SPATS2L: variants seen among roughly 807,000 people sequenced by gnomAD.
SPATS2L encodes the protein SPATS2-like protein.
In SPATS2L, 30 loss-of-function variants were observed where a neutral mutation model predicts 59.6. The ratio of observed to expected loss-of-function variants is 0.50; its 90% CI spans 0.38 to 0.68. SPATS2L has a LOEUF of 0.68. Ranked by LOEUF, SPATS2L falls within the 30% of genes least tolerant of loss-of-function variation. The pLI, the probability that SPATS2L is intolerant of heterozygous loss-of-function variation, is 0.00. For missense variants in SPATS2L, 615 were observed against 700.0 expected (o/e 0.88, Z 1.37); for synonymous variants, 252 against 263.5 (o/e 0.96, Z 0.42).
intron 2 of SPATS2L, among the ~76,000 whole-genome samples, chr2:200,375,523 T>C (rs1412577392): frequency 6.6e-6 from 1 of 152,174 alleles, no homozygotes; most frequent in Non-Finnish European, 1.5e-5. Context: ...TTGACTCTGA[T>C]AATGGCTAAA....
chr2:200,306,369 G>A (rs1217782350), upstream of SPATS2L: 4 of 1,002,264 alleles, frequency 4.0e-6, no homozygotes, highest in East Asian at 4.6e-4. Flanking sequence ...TTTCGGTGAA[G>A]TGGAGGTTTG....
At chr2:200,408,021 T>C (rs2082747260) in intron 3 of SPATS2L, among the ~76,000 whole-genome samples, 1 of 152,122 alleles carries the variant, frequency 6.6e-6, no homozygotes. Flanking sequence ...TTGCCTACCA[T>C]CTGGGAGACA....
At chr2:200,424,131 A>T (rs1160671643) in intron 6 of SPATS2L, among the ~76,000 whole-genome samples, 1 of 152,172 alleles carries the variant, frequency 6.6e-6, no homozygotes, top group East Asian at 1.9e-4. Flanking sequence ...TGGATCTTTT[A>T]CATAATCCAA....
At chr2:200,427,488 TA>T (rs1365930805) in intron 6 of SPATS2L, among the ~76,000 whole-genome samples, 2 of 148,766 alleles carry the variant, frequency 1.3e-5, no homozygotes, top group Non-Finnish European at 3.0e-5. Flanking sequence ...TATACATATA[TA>T]AAATATACAT....
chr2:200,443,241 A>C (rs573026430), intron 8 of SPATS2L, among the ~76,000 whole-genome samples: 1 of 152,364 alleles, frequency 6.6e-6, no homozygotes, highest in South Asian at 2.1e-4. Context: ...TAAGAGGAAG[A>C]AAATGAATTT....
chr2:200,349,041 C>T (rs922448321), intron 2 of SPATS2L, among the ~76,000 whole-genome samples: 3 of 152,236 alleles, frequency 2.0e-5, no homozygotes, highest in East Asian at 1.9e-4. Context: ...CCTGTACTTT[C>T]GGTGCAAATT....
intron 11 of SPATS2L, among the ~76,000 whole-genome samples, chr2:200,470,300 T>C (rs544700631): frequency 1.1e-4 from 16 of 152,312 alleles, no homozygotes; most frequent in African/African-American, 3.8e-4. Flanking sequence ...CACTGCCAGT[T>C]AAACTGCTTC....
chr2:200,316,930 C>T (rs929325273), intron 1 of SPATS2L, among the ~76,000 whole-genome samples: 3 of 152,108 alleles, frequency 2.0e-5, no homozygotes, highest in African/African-American at 2.4e-5. Flanking sequence ...TTTGCAGTCC[C>T]GCTGGTCTCT....
chr2:200,432,983 CAGAA>C (rs931576982), intron 6 of SPATS2L, among the ~76,000 whole-genome samples: 1 of 152,114 alleles, frequency 6.6e-6, no homozygotes, highest in African/African-American at 2.4e-5. Flanking sequence ...ATTAGAGTCT[CAGAA>C]GGAGAGCAAA....
intron 2 of SPATS2L, among the ~76,000 whole-genome samples, chr2:200,388,367 T>A (rs2082059071): frequency 6.6e-6 from 1 of 151,992 alleles, no homozygotes; most frequent in Non-Finnish European, 1.5e-5. Flanking sequence ...GCCCAGGAGT[T>A]TGAGACCAGC....
chr2:200,340,660 C>T (rs1053689969), intron 2 of SPATS2L, among the ~76,000 whole-genome samples: 6 of 152,096 alleles, frequency 3.9e-5, no homozygotes, highest in South Asian at 2.1e-4. Context: ...CCACATTGTC[C>T]GGATGGAGGA....
intron 12 of SPATS2L, among the ~76,000 whole-genome samples, chr2:200,475,786 T>A (rs1338262765): frequency 6.6e-6 from 1 of 152,208 alleles, no homozygotes; most frequent in Non-Finnish European, 1.5e-5. Context: ...AGTGCACAAA[T>A]GAAGAACCTT....
chr2:200,424,530 G>A (rs1261419762), intron 6 of SPATS2L, among the ~76,000 whole-genome samples: 1 of 152,112 alleles, frequency 6.6e-6, no homozygotes, highest in Non-Finnish European at 1.5e-5. Flanking sequence ...ACTAAAAGTA[G>A]TGCCAAGGAT....
chr2:200,480,342 T>TTC lies in SPATS2L; in HGVS notation c.*2312_*2313insCT, dbSNP rs2087748088. The TTC allele has an allele frequency of 6.7e-6, 1 of 148,584 alleles. No individual in the cohort carries two copies. The highest frequency in any genetic ancestry group is 6.7e-5 in the Admixed American group (1 of 14,982). The allele number at this position is 148,584 out of a possible 1,614,324, so 9.2% of individuals were successfully genotyped here. A position where few individuals can be genotyped will look rare whatever the true frequency, so the allele number is the denominator to read the frequency against. On this transcript the variant is annotated 3_prime_UTR_variant, in exon 13 of 13. Transcript: ENST00000409140. The stretch of plus-strand genomic sequence containing the variant: ...CATTTTTTCCAATATTTTTTCCTTT[T>TTC]TTTTTTTTTTTTTGAGACAGGGTCT...
intron 2 of SPATS2L, among the ~76,000 whole-genome samples, chr2:200,349,970 A>G (rs1401698374): frequency 6.6e-6 from 1 of 152,172 alleles, no homozygotes; most frequent in Non-Finnish European, 1.5e-5. Context: ...ATTGAATGGG[A>G]GAGAGCTGGA....
chr2:200,383,472 C>CTT (rs2081892046), intron 2 of SPATS2L, among the ~76,000 whole-genome samples: 1 of 152,200 alleles, frequency 6.6e-6, no homozygotes, highest in African/African-American at 2.4e-5. Context: ...TTTAGACTAG[C>CTT]CACATTCAAA....
intron 3 of SPATS2L, among the ~76,000 whole-genome samples, chr2:200,409,898 T>C (rs1245302953): frequency 6.6e-6 from 1 of 152,178 alleles, no homozygotes; most frequent in Non-Finnish European, 1.5e-5. Flanking sequence ...AGTATAAACA[T>C]CTAAAAAGGA....
At chr2:200,413,021 A>G (rs1484834955) in intron 4 of SPATS2L, among the ~76,000 whole-genome samples, 5 of 152,192 alleles carry the variant, frequency 3.3e-5, no homozygotes, top group Non-Finnish European at 2.9e-5. Flanking sequence ...GCACCATTGC[A>G]CTCCAGCCTA....
In SPATS2L at chr2:200,306,801, G is replaced by T. The variant is rs2079028408; in HGVS notation, c.-194G>T. On this transcript the variant is annotated 5_prime_UTR_variant, in exon 1 of 13. Coordinates refer to ENST00000409140, the MANE Select transcript of SPATS2L (RefSeq NM_001100423.2). Reference sequence around the variant, plus strand: ...CGGACGGCGCGCGGCCCAGGCAGCGGCTCCCGCTCGGCCCGCCCTCCGAGC... The same window carrying T: ...CGGACGGCGCGCGGCCCAGGCAGCGTCTCCCGCTCGGCCCGCCCTCCGAGC... 1.0e-6 allele frequency: 1 copy of T among 981,042 alleles called. No individual in the cohort carries two copies. Among genetic ancestry groups the T allele is most frequent in the African/African-American group, 1.8e-5 (1 of 56,802 alleles). 60.8% of individuals were successfully genotyped at this position (981,042 alleles called of 1,614,324 possible).
Sources: allele counts gnomAD v4.1 joint callset (sites outside exome capture counted in the v4.1 genomes callset), GRCh38; gene constraint gnomAD v4.1.1; transcripts MANE v1.5; gene names NCBI Gene and HGNC (gene_info 2026-07-23, HGNC 2026-07-21).